The following ROBO2 variants were observed in gnomAD, a reference collection of about 807,000 sequenced individuals.
ROBO2 encodes the protein roundabout homolog 2.
In ROBO2, 53 loss-of-function variants were observed where a neutral mutation model predicts 160.8. The ratio of observed to expected loss-of-function variants is 0.33; its 90% CI spans 0.26 to 0.41. The LOEUF is 0.41. Among genes scored for constraint, ROBO2 ranks in the 10% least tolerant of loss-of-function variants. The pLI, the probability that ROBO2 is intolerant of heterozygous loss-of-function variation, is 1.00. For synonymous variants in ROBO2, 664 were observed against 611.7 expected, an observed-to-expected ratio of 1.09 and a Z score of -1.26; for missense variants, 1,577 against 1,722.4, an observed-to-expected ratio of 0.92 and a Z score of 1.49.
chr3:77,202,230 A>G (rs989529392), intron 2 of ROBO2, among the ~76,000 whole-genome samples: 1 of 152,170 alleles, frequency 6.6e-6, no homozygotes, highest in Non-Finnish European at 1.5e-5. Flanking sequence ...TGTTAATAGC[A>G]TTTGTTATAC....
At chr3:76,200,578 A>G (rs1232824136) in intron 2 of ROBO2, among the ~76,000 whole-genome samples, 1 of 152,152 alleles carries the variant, frequency 6.6e-6, no homozygotes, top group African/African-American at 2.4e-5. Context: ...ATAGGGGGCA[A>G]CTTAAGCAAG....
rs769375919 is a variant in ROBO2 at position 76,841,168 on chromosome 3, G to A, written c.110-256846G>A. Among the ~76,000 whole-genome samples the A allele has an allele frequency of 6.4e-4, 98 of 152,216 alleles. 1 individual carries two copies. The highest frequency in any genetic ancestry group is 1.3e-3 in the Non-Finnish European group (85 of 67,998). On this transcript the variant is annotated intron_variant, in intron 2 of 26. Transcript: ENST00000487694. The stretch of plus-strand genomic sequence containing the variant: ...TAAAATCTTGTAGCACTGTGCAAGC[G>A]CCATTGGATTAGAAAGAACCCAGAT...
At chr3:77,092,127 G>T (rs2070374493) in intron 1 of ROBO2, 1 of 151,990 alleles carries the variant, frequency 6.6e-6, no homozygotes, top group South Asian at 2.1e-4. Context: ...CCCTGGGCCA[G>T]GATGACAGGC....
chr3:77,060,936 AT>A lies in ROBO2; in HGVS notation c.61+20104del, dbSNP rs78938899. 4.3e-3 allele frequency among the ~76,000 whole-genome samples: 610 copies of A among 142,206 alleles called. 4 individuals are homozygous for A. Among genetic ancestry groups the A allele is most frequent in the Admixed American group, 0.021 (296 of 14,084 alleles). 93.3% of individuals were successfully genotyped at this position (142,206 alleles called of 152,430 possible). A position where few individuals can be genotyped will look rare whatever the true frequency, so the allele number is the denominator to read the frequency against. On this transcript the variant is annotated intron_variant, in intron 1 of 25. Coordinates refer to ENST00000461745, the Ensembl canonical transcript of ROBO2. Reference sequence around the variant, plus strand: ...GACCAGCAACCCAGGAAAACCTAACATTTTTTTTTTTTTTAAAGAGACAGGG... The same window carrying A: ...GACCAGCAACCCAGGAAAACCTAACATTTTTTTTTTTTTAAAGAGACAGGG...
At chr3:76,654,199 G>A (rs911333606) in intron 2 of ROBO2, among the ~76,000 whole-genome samples, 10 of 152,178 alleles carry the variant, frequency 6.6e-5, no homozygotes, top group African/African-American at 1.7e-4. Flanking sequence ...TTAGAAAGCC[G>A]TCATTAATTA....
Position 77,367,888 on chromosome 3 carries a change from C to T in ROBO2, c.389-109526C>T, listed in dbSNP as rs145081785. On this transcript the variant is annotated intron_variant, in intron 2 of 25. Transcript: ENST00000461745. ...GAGAGCTTCAGAATGTTATAACATT[C>T]TTTAATGGAAAGGGAAAATTAGTTT... Among the ~76,000 whole-genome samples, 1,461 of 152,174 alleles carry T rather than the reference C, an allele frequency of 9.6e-3. 16 individuals carry two copies. Among genetic ancestry groups the T allele is most frequent in the Non-Finnish European group, 0.014 (929 of 68,010 alleles).
At chr3:76,039,304 G>A (rs543005213) in intron 2 of ROBO2, among the ~76,000 whole-genome samples, 1 of 152,054 alleles carries the variant, frequency 6.6e-6, no homozygotes, top group East Asian at 1.9e-4. Context: ...AGGGTGATGG[G>A]TTGAATTGAG....
At chr3:77,191,541 C>T (rs2081853025) in intron 2 of ROBO2, among the ~76,000 whole-genome samples, 1 of 152,132 alleles carries the variant, frequency 6.6e-6, no homozygotes, top group Non-Finnish European at 1.5e-5. Context: ...CCCTTGTATT[C>T]CATTTTATCT....
intron 2 of ROBO2, among the ~76,000 whole-genome samples, chr3:77,332,781 C>G (rs190537259): frequency 6.6e-6 from 1 of 152,258 alleles, no homozygotes; most frequent in Non-Finnish European, 1.5e-5. Flanking sequence ...TACTTTAGCT[C>G]TAATGTATAA....
At chr3:76,047,660 G>T (rs2067494978) in intron 2 of ROBO2, among the ~76,000 whole-genome samples, 1 of 152,166 alleles carries the variant, frequency 6.6e-6, no homozygotes, top group Admixed American at 6.5e-5. Flanking sequence ...AATTTAATAA[G>T]ATGTAGATGT....
intron 2 of ROBO2, among the ~76,000 whole-genome samples, chr3:76,334,147 A>T (rs192284091): frequency 9.3e-4 from 141 of 152,190 alleles, no homozygotes; most frequent in African/African-American, 3.3e-3. Context: ...ATAATAAAAA[A>T]ATATATATAT....
intron 4 of ROBO2, among the ~76,000 whole-genome samples, chr3:77,488,464 G>C (rs1002856577): frequency 1.3e-5 from 2 of 152,106 alleles, no homozygotes. Flanking sequence ...AAAAATCAGT[G>C]ACCTTGTTTT....
At chr3:77,031,775 A>G (rs2063343173) in intron 2 of ROBO2, among the ~76,000 whole-genome samples, 2 of 150,082 alleles carry the variant, frequency 1.3e-5, no homozygotes, top group South Asian at 4.2e-4. Context: ...TTGAAATTCC[A>G]TGGGGAGGTA....
chr3:77,112,143 G>A (rs979394487), intron 2 of ROBO2, among the ~76,000 whole-genome samples: 1 of 142,670 alleles, frequency 7.0e-6, no homozygotes, highest in African/African-American at 2.6e-5. Flanking sequence ...AGTGAGCCGA[G>A]ATCGCGCCGC....
At chr3:76,339,708 G>A (rs1325898543) in intron 2 of ROBO2, among the ~76,000 whole-genome samples, 2 of 151,976 alleles carry the variant, frequency 1.3e-5, no homozygotes, top group Non-Finnish European at 2.9e-5. Context: ...TATAGTAAAC[G>A]CATGCTGTGT....
intron 2 of ROBO2, among the ~76,000 whole-genome samples, chr3:76,903,164 C>G (rs2075350771): frequency 6.6e-6 from 1 of 152,040 alleles, no homozygotes; most frequent in South Asian, 2.1e-4. Context: ...ACTTTGCATT[C>G]TCAAAATAAA....
intron 20 of ROBO2, among the ~76,000 whole-genome samples, chr3:77,606,496 A>G (rs2094529038): frequency 6.6e-6 from 1 of 151,446 alleles, no homozygotes; most frequent in Admixed American, 6.6e-5. Flanking sequence ...CAAGTATACT[A>G]CAAGGCAAGA....
intron 2 of ROBO2, among the ~76,000 whole-genome samples, chr3:77,292,099 A>C (rs1465188019): frequency 6.6e-6 from 1 of 151,756 alleles, no homozygotes; most frequent in East Asian, 1.9e-4. Flanking sequence ...ATTGACGGTT[A>C]AACGGGTAAG....
chr3:75,965,114 A>G (rs148200846), intron 2 of ROBO2: 103 of 151,750 alleles, frequency 6.8e-4, no homozygotes, highest in African/African-American at 2.4e-3. Flanking sequence ...AGCACTCCCT[A>G]CTTCTTGCTT....
Sources: gnomAD v4.1 joint callset for allele counts (sites outside exome capture counted in the v4.1 genomes callset) on GRCh38, gnomAD v4.1.1 for gene constraint, MANE v1.5 for transcripts, NCBI Gene and HGNC (gene_info 2026-07-23, HGNC 2026-07-21) for gene names.